The following TMEM156 variants were observed in gnomAD, a reference collection of about 807,000 sequenced individuals.
TMEM156 encodes the protein transmembrane protein 156.
TMEM156 carries 28 observed loss-of-function variants against 30.5 expected under a neutral mutation model. That is an observed-to-expected ratio of 0.92 (90% CI 0.68 to 1.26). The LOEUF is 1.26. TMEM156 is among the 50% of genes most tolerant of loss of function. The pLI is 0.00. For synonymous variants in TMEM156, 137 were observed against 119.9 expected, an observed-to-expected ratio of 1.14 and a Z score of -0.93; for missense variants, 351 against 340.6, an observed-to-expected ratio of 1.03 and a Z score of -0.24.
intron 1 of TMEM156, among the ~76,000 whole-genome samples, chr4:39,000,168 C>A (rs1713234895): frequency 6.6e-6 from 1 of 152,140 alleles, no homozygotes; most frequent in African/African-American, 2.4e-5. Context: ...CAGAGGTGGG[C>A]AGATTGCTTG....
In TMEM156 at chr4:39,032,265, A is replaced by T; in HGVS notation, c.49T>A (p.Phe17Ile). 6.2e-7 allele frequency: 1 copy of T among 1,610,408 alleles called. No homozygotes were observed. The highest frequency in any genetic ancestry group is 1.1e-5 in the South Asian group (1 of 90,598). The change falls in exon 1 of 7, where the codon TTC (phenylalanine) becomes ATC (isoleucine). Residue 17 changes from phenylalanine to isoleucine, a missense_variant. Physicochemically the swap from Phe to Ile is conservative, Grantham distance 21. Coordinates refer to ENST00000381938, the MANE Select transcript of TMEM156 (RefSeq NM_024943.3). ...LKLFVAIVIT[F>I]ILILPEYFKT... is the part of the protein sequence containing the mutation. ...AAATATTCCGGCAAAATTAAAATGAATGTGATCACTATTGCCACAAATAAT... is the reference window on the plus strand; with the variant it reads ...AAATATTCCGGCAAAATTAAAATGATTGTGATCACTATTGCCACAAATAAT...
chr4:38,974,656 T>A (rs1421216859), intron 5 of TMEM156, among the ~76,000 whole-genome samples: 5 of 147,826 alleles, frequency 3.4e-5, no homozygotes, highest in Admixed American at 2.8e-4. Flanking sequence ...AACTGAAGAT[T>A]TTTTTTAATT....
intron 6 of TMEM156, among the ~76,000 whole-genome samples, chr4:38,970,293 C>A (rs1381349269): frequency 6.6e-6 from 1 of 152,090 alleles, no homozygotes; most frequent in South Asian, 2.1e-4. Flanking sequence ...TTTAGTTTTC[C>A]CACACCCTAG....
chr4:38,983,911 T>C (rs1039840590), intron 5 of TMEM156, among the ~76,000 whole-genome samples: 1 of 152,254 alleles, frequency 6.6e-6, no homozygotes, highest in Admixed American at 6.5e-5. Flanking sequence ...CTTTTTACTC[T>C]ATACTTATTT....
intron 5 of TMEM156, among the ~76,000 whole-genome samples, chr4:38,977,542 A>G (rs1382084754): frequency 2.6e-5 from 4 of 152,256 alleles, no homozygotes; most frequent in African/African-American, 7.2e-5. Context: ...TGCCTTCTTC[A>G]GAATAGCTAA....
intron 1 of TMEM156, among the ~76,000 whole-genome samples, chr4:39,023,511 C>T (rs948800512): frequency 1.3e-5 from 2 of 152,092 alleles, no homozygotes; most frequent in Non-Finnish European, 2.9e-5. Flanking sequence ...CTAAATCACT[C>T]AGTAGCATGG....
intron 1 of TMEM156, among the ~76,000 whole-genome samples, chr4:39,002,970 A>C (rs1015014683): frequency 7.4e-4 from 113 of 152,222 alleles, no homozygotes; most frequent in African/African-American, 2.6e-3. Flanking sequence ...CCAGCATGGC[A>C]CATGTATACA....
At chr4:39,012,800 C>T (rs778957971) in intron 1 of TMEM156, among the ~76,000 whole-genome samples, 2 of 151,964 alleles carry the variant, frequency 1.3e-5, no homozygotes, top group Non-Finnish European at 2.9e-5. Context: ...ATTAGCCTGC[C>T]GTGGGGCAGG....
At chr4:39,028,492 T>C (rs1715340387) in intron 1 of TMEM156, 1 of 152,252 alleles carries the variant, frequency 6.6e-6, no homozygotes, top group South Asian at 2.1e-4. Flanking sequence ...ACATCCCTGT[T>C]TCAGTTAATT....
chr4:39,020,235 G>C (rs1170269459), intron 1 of TMEM156, among the ~76,000 whole-genome samples: 1 of 152,106 alleles, frequency 6.6e-6, no homozygotes, highest in Admixed American at 6.5e-5. Context: ...TTCCATATCT[G>C]GACTATTGTG....
At chr4:38,984,349 C>G (rs62294535) in intron 5 of TMEM156, among the ~76,000 whole-genome samples, 11,985 of 130,918 alleles carry the variant, frequency 0.092, 576 homozygotes, top group Middle Eastern at 0.14. Context: ...CTCTCTCTCT[C>G]TGTGTGTGTG....
Position 38,967,120 on chromosome 4 carries a change from C to T in TMEM156, c.*560G>A, listed in dbSNP as rs2109844458. 1 of 152,168 alleles carries T rather than the reference C, an allele frequency of 6.6e-6. No homozygotes were observed. Among genetic ancestry groups the T allele is most frequent in the Non-Finnish European group, 1.5e-5 (1 of 67,996 alleles). The allele number at this position is 152,168 out of a possible 1,614,324, so 9.4% of individuals were successfully genotyped here. On this transcript the variant is annotated 3_prime_UTR_variant, in exon 7 of 7. Coordinates refer to ENST00000381938, the MANE Select transcript of TMEM156 (RefSeq NM_024943.3). Reference sequence around the variant, plus strand: ...TGGCCTCTTTGAATTTTTTTAAAAACATCCTGGTGCTAAAAGGCAGCAAGA... The same window carrying T: ...TGGCCTCTTTGAATTTTTTTAAAAATATCCTGGTGCTAAAAGGCAGCAAGA...
At position 38,988,831 on chromosome 4, in the gene TMEM156, A is replaced by G. The variant is rs755059792; in HGVS notation, c.739+20T>C. On this transcript the variant is annotated intron_variant, in intron 4 of 6. Coordinates refer to ENST00000381938, the MANE Select transcript of TMEM156 (RefSeq NM_024943.3). ...TAGAAGAGATCAGGAGTTCCTCGGCACTACAGGGATTATACTTACTCTGCC... is the reference window on the plus strand; with the variant it reads ...TAGAAGAGATCAGGAGTTCCTCGGCGCTACAGGGATTATACTTACTCTGCC... The G allele has an allele frequency of 2.5e-6, 4 of 1,613,634 alleles. No homozygotes were observed. Among genetic ancestry groups the G allele is most frequent in the East Asian group, 2.2e-5 (1 of 44,868 alleles).
intron 5 of TMEM156, chr4:38,980,938 G>A: frequency 1.0e-6 from 1 of 985,350 alleles, no homozygotes; most frequent in Non-Finnish European, 1.2e-6. Context: ...TTCAATGAAT[G>A]ACTGGAATAA....
intron 5 of TMEM156, among the ~76,000 whole-genome samples, chr4:38,984,159 T>C (rs1259451752): frequency 6.6e-6 from 1 of 152,174 alleles, no homozygotes; most frequent in East Asian, 1.9e-4. Context: ...GACATCTCTT[T>C]CTACAGCAGC....
chr4:38,978,509 T>C (rs921435306), intron 5 of TMEM156, among the ~76,000 whole-genome samples: 2 of 152,220 alleles, frequency 1.3e-5, no homozygotes, highest in African/African-American at 2.4e-5. Context: ...TTAACGCCTC[T>C]GTGCCTCATT....
chr4:39,013,575 T>C (rs1202432227), intron 1 of TMEM156, among the ~76,000 whole-genome samples: 1 of 151,844 alleles, frequency 6.6e-6, no homozygotes, highest in African/African-American at 2.4e-5. Context: ...TAATTTTTTG[T>C]ATTTTAATAG....
At chr4:38,986,114 T>G (rs1711961132) in intron 5 of TMEM156, among the ~76,000 whole-genome samples, 1 of 152,230 alleles carries the variant, frequency 6.6e-6, no homozygotes, top group Admixed American at 6.5e-5. Context: ...TTCTTGCCAA[T>G]TAAGCAAACT....
At chr4:39,018,332 C>T (rs1714636549) in intron 1 of TMEM156, among the ~76,000 whole-genome samples, 1 of 152,168 alleles carries the variant, frequency 6.6e-6, no homozygotes, top group Non-Finnish European at 1.5e-5. Context: ...CTTGTTTTTT[C>T]ACTGACATAC....
Sources: gnomAD v4.1 joint callset for allele counts (sites outside exome capture counted in the v4.1 genomes callset) on GRCh38, gnomAD v4.1.1 for gene constraint, MANE v1.5 for transcripts, NCBI Gene and HGNC (gene_info 2026-07-23, HGNC 2026-07-21) for gene names.